PAWR: variants seen among roughly 807,000 people sequenced by gnomAD.
PAWR encodes pro-apoptotic WT1 regulator.
In PAWR, 23 loss-of-function variants were observed where a neutral mutation model predicts 32.0. That is an observed-to-expected ratio of 0.72 (90% confidence interval 0.52 to 1.02). The LOEUF (loss-of-function observed/expected upper bound fraction) is 1.02, where lower values mean the gene tolerates loss of function less well. PAWR is among the 50% of genes least tolerant of loss of function. PAWR has a pLI of 0.00. For missense variants in PAWR, 457 were observed against 437.7 expected (o/e 1.04, Z -0.39); for synonymous variants, 226 against 187.1 (o/e 1.21, Z -1.70).
chr12:79,636,704 G>A (rs1235098375), intron 2 of PAWR, among the ~76,000 whole-genome samples: 1 of 151,992 alleles, frequency 6.6e-6, no homozygotes, highest in Non-Finnish European at 1.5e-5. Context: ...GAATGCAATA[G>A]TTTATTCATT....
chr12:79,681,658 A>G (rs1018585166), intron 2 of PAWR, among the ~76,000 whole-genome samples: 2 of 152,170 alleles, frequency 1.3e-5, no homozygotes, highest in African/African-American at 4.8e-5. Context: ...CTTTCCTTGG[A>G]TTTATTTCCA....
At chr12:79,642,744 T>C (rs1370095514) in intron 2 of PAWR, among the ~76,000 whole-genome samples, 1 of 152,162 alleles carries the variant, frequency 6.6e-6, no homozygotes, top group African/African-American at 2.4e-5. Flanking sequence ...GGTTTCAACA[T>C]ATGAATTTGA....
In PAWR at chr12:79,636,089, T is replaced by C. The variant is rs8176846; in HGVS notation, c.517-14882A>G. Among the ~76,000 whole-genome samples the C allele has an allele frequency of 6.8e-4, 104 of 152,264 alleles. 2 individuals carry two copies. In the South Asian group the frequency reaches 0.02, roughly 30 times the overall value. ...AAGACTAACCTTACAGTGATATATA[T>C]GTTAAATATGGAAATAAACTTGACT... is the stretch of plus-strand genomic sequence containing the variant. On this transcript the variant is annotated intron_variant, in intron 2 of 6. Transcript: ENST00000328827.
At chr12:79,662,696 G>T (rs1344688343) in intron 2 of PAWR, among the ~76,000 whole-genome samples, 1 of 152,092 alleles carries the variant, frequency 6.6e-6, no homozygotes, top group African/African-American at 2.4e-5. Flanking sequence ...ATGCACAAAG[G>T]TTTAAACCAA....
chr12:79,643,338 AG>A (rs1876420335), intron 2 of PAWR, among the ~76,000 whole-genome samples: 1 of 152,166 alleles, frequency 6.6e-6, no homozygotes, highest in Non-Finnish European at 1.5e-5. Context: ...TAGTCAAAGA[AG>A]TAATGAAAAT....
intron 2 of PAWR, chr12:79,632,308 C>CAT (rs1566010872): frequency 1.2e-4 from 3 of 25,166 alleles, no homozygotes; most frequent in East Asian, 1.1e-3. Context: ...TATATATATA[C>CAT]ATACATATAT....
At position 79,689,672 on chromosome 12, in the gene PAWR, AC is replaced by A; in HGVS notation, c.516+56del. 3 of 1,513,818 alleles carry A rather than the reference AC, an allele frequency of 2.0e-6. No individual in the cohort carries two copies. In the South Asian group the frequency reaches 3.7e-5, roughly 19 times the overall value. The allele number at this position is 1,513,818 out of a possible 1,614,324, so 93.8% of individuals were successfully genotyped here. On this transcript the variant is annotated intron_variant, in intron 2 of 6. Transcript: ENST00000328827. ...CCCGGGTAGCTCCCAGGAGGAAGAC[AC>A]CGGGAGGCAGCTGCCCGCCCCGGCC...
intron 2 of PAWR, among the ~76,000 whole-genome samples, chr12:79,676,042 C>T (rs1307952851): frequency 6.6e-6 from 1 of 151,444 alleles, no homozygotes; most frequent in African/African-American, 2.4e-5. Flanking sequence ...AAAAAAAAAT[C>T]AAGAATGGAG....
intron 2 of PAWR, among the ~76,000 whole-genome samples, chr12:79,623,085 G>C (rs1448319349): frequency 2.6e-5 from 4 of 152,194 alleles, no homozygotes; most frequent in African/African-American, 4.8e-5. Flanking sequence ...GCAGAGAACA[G>C]GAACAAGACC....
intron 3 of PAWR, among the ~76,000 whole-genome samples, chr12:79,615,276 A>C (rs1592502395): frequency 6.6e-6 from 1 of 152,170 alleles, no homozygotes; most frequent in East Asian, 1.9e-4. Flanking sequence ...CTCCACCAGC[A>C]ATTCCTTTCT....
At position 79,657,164 on chromosome 12, in the gene PAWR, A is replaced by G. The variant is rs143951850; in HGVS notation, c.516+32565T>C. Among the ~76,000 whole-genome samples, 154 of 152,320 alleles carry G rather than the reference A, an allele frequency of 1.0e-3. 1 individual carries two copies. Among genetic ancestry groups the G allele is most frequent in the African/African-American group, 3.2e-3 (134 of 41,574 alleles). ...TGCTCAATGAAGCTAGATTTTAGGGAAAAAAAGAGTCCATAATGTATGCTT... is the reference window on the plus strand; with the variant it reads ...TGCTCAATGAAGCTAGATTTTAGGGGAAAAAAGAGTCCATAATGTATGCTT... On this transcript the variant is annotated intron_variant, in intron 2 of 6. Coordinates refer to ENST00000328827, the MANE Select transcript of PAWR (RefSeq NM_002583.4).
rs117409119 is a variant in PAWR at position 79,609,601 on chromosome 12, A to G, written c.683+3974T>C. ...GGAAGAGAAGAGGAGAAGCAGTTTG[A>G]CTTCAGAGTAATGGCTTGACAATGC... On this transcript the variant is annotated intron_variant, in intron 4 of 6. Coordinates refer to ENST00000328827, the MANE Select transcript of PAWR (RefSeq NM_002583.4). 5.5e-4 allele frequency among the ~76,000 whole-genome samples: 83 copies of G among 152,130 alleles called. No individual in the cohort carries two copies. In the East Asian group the frequency reaches 0.013, roughly 23 times the overall value.
At chr12:79,612,084 T>C (rs983804899) in intron 4 of PAWR, among the ~76,000 whole-genome samples, 3 of 152,196 alleles carry the variant, frequency 2.0e-5, no homozygotes, top group African/African-American at 7.2e-5. Flanking sequence ...GGTTTGAGAA[T>C]GTGGTATGGG....
intron 4 of PAWR, among the ~76,000 whole-genome samples, chr12:79,609,425 C>T (rs1874337892): frequency 6.6e-6 from 1 of 152,026 alleles, no homozygotes; most frequent in East Asian, 1.9e-4. Flanking sequence ...GTGAGGGTCC[C>T]ACCCTCAATC....
intron 2 of PAWR, among the ~76,000 whole-genome samples, chr12:79,647,452 T>G (rs1334565160): frequency 6.6e-6 from 1 of 152,158 alleles, no homozygotes; most frequent in Admixed American, 6.5e-5. Flanking sequence ...AGGGAAATTT[T>G]CCCAAGATAG....
chr12:79,674,793 A>G (rs1010732788), intron 2 of PAWR, among the ~76,000 whole-genome samples: 1 of 152,188 alleles, frequency 6.6e-6, no homozygotes, highest in South Asian at 2.1e-4. Flanking sequence ...CGTAGCAACA[A>G]GCATATGAAA....
rs1489002270 is a variant in PAWR, at chr12:79,589,710, T to G, written c.*2897A>C. 1 of 152,178 alleles carries G rather than the reference T, an allele frequency of 6.6e-6. No individual in the cohort carries two copies. Among genetic ancestry groups the G allele is most frequent in the Non-Finnish European group, 1.5e-5 (1 of 68,030 alleles). The allele number at this position is 152,178 out of a possible 1,614,324, so 9.4% of individuals were successfully genotyped here. On this transcript the variant is annotated 3_prime_UTR_variant, in exon 7 of 7. Coordinates refer to ENST00000328827, the MANE Select transcript of PAWR (RefSeq NM_002583.4). Reference sequence around the variant, plus strand: ...CTATAGCAATCTTCAATTAATTCATTTCAGAAATCAAGGAGGCAAGTCATG... The same window carrying G: ...CTATAGCAATCTTCAATTAATTCATGTCAGAAATCAAGGAGGCAAGTCATG...
chr12:79,646,182 G>A (rs1010764502), intron 2 of PAWR, among the ~76,000 whole-genome samples: 1 of 152,152 alleles, frequency 6.6e-6, no homozygotes, highest in African/African-American at 2.4e-5. Context: ...AAAGGGAAGG[G>A]ATGGGGGAAA....
At chr12:79,626,739 C>A (rs2136731730) in intron 2 of PAWR, among the ~76,000 whole-genome samples, 1 of 152,098 alleles carries the variant, frequency 6.6e-6, no homozygotes, top group African/African-American at 2.4e-5. Context: ...ATCCCTCCCC[C>A]TTCCCCCACC....
Sources: gnomAD v4.1 joint callset for allele counts (sites outside exome capture counted in the v4.1 genomes callset) on GRCh38, gnomAD v4.1.1 for gene constraint, MANE v1.5 for transcripts, NCBI Gene and HGNC (gene_info 2026-07-23, HGNC 2026-07-21) for gene names.